ZFAND3: variants seen among roughly 807,000 people sequenced by gnomAD.
The protein encoded by ZFAND3 is AN1-type zinc finger protein 3.
ZFAND3 carries 10 observed loss-of-function variants against 29.6 expected under a neutral mutation model. The ratio of observed to expected loss-of-function variants is 0.34; its 90% CI spans 0.21 to 0.57. ZFAND3 has a LOEUF of 0.57. Among genes scored for constraint, ZFAND3 ranks in the 20% least tolerant of loss-of-function variants. The probability of loss-of-function intolerance (pLI) is 0.86; values close to 1 mark genes in which losing one functional copy is unlikely to be tolerated. For synonymous variants in ZFAND3, 128 were observed against 112.6 expected (o/e 1.14, Z -0.87); for missense variants, 230 against 304.5 (o/e 0.76, Z 1.82).
intron 5 of ZFAND3, among the ~76,000 whole-genome samples, chr6:38,138,177 A>C (rs2127494047): frequency 6.6e-6 from 1 of 152,078 alleles, no homozygotes; most frequent in Non-Finnish European, 1.5e-5. Context: ...AGAAAAATAT[A>C]TTTCTCTGGG....
chr6:38,067,536 G>A (rs1487240035), intron 3 of ZFAND3, among the ~76,000 whole-genome samples: 1 of 152,214 alleles, frequency 6.6e-6, no homozygotes, highest in Admixed American at 6.5e-5. Flanking sequence ...ACAGTGGAAG[G>A]TGTGTTGGAC....
intron 4 of ZFAND3, among the ~76,000 whole-genome samples, chr6:38,111,113 A>T (rs975503386): frequency 9.9e-5 from 15 of 152,194 alleles, no homozygotes; most frequent in Non-Finnish European, 1.5e-5. Context: ...TTCCAGTTAA[A>T]CTGTGTTCTT....
intron 2 of ZFAND3, among the ~76,000 whole-genome samples, chr6:37,943,227 G>A (rs763526896): frequency 6.6e-6 from 1 of 152,156 alleles, no homozygotes; most frequent in South Asian, 2.1e-4. Flanking sequence ...TTGAAGAGAC[G>A]ATCATTGTAA....
chr6:38,144,394 G>A (rs535123511), intron 5 of ZFAND3, among the ~76,000 whole-genome samples: 679 of 151,924 alleles, frequency 4.5e-3, no homozygotes, highest in Non-Finnish European at 7.6e-3. Context: ...GGATGCTTTG[G>A]GAGGTCTTGG....
chr6:37,951,351 G>C (rs1561944464), intron 2 of ZFAND3, among the ~76,000 whole-genome samples: 1 of 152,144 alleles, frequency 6.6e-6, no homozygotes, highest in Non-Finnish European at 1.5e-5. Context: ...CCAACACTTT[G>C]GGAGGCCGAG....
rs756741049 is a variant in ZFAND3, at chr6:38,152,342, C to T, written c.637C>T (p.Arg213Trp). Residue 213 changes from arginine to tryptophan, a missense_variant, in exon 6 of 6, where the codon CGG (arginine) becomes TGG (tryptophan). By Grantham distance (101) the Arg-to-Trp change is moderately radical. Transcript: ENST00000287218. ...EAIMKMVKLD[R>W]KVGRSCQRIG... ...CATCATGAAAATGGTGAAGCTGGAC[C>T]GGAAAGTGGGGCGCTCCTGCCAGCG... The T allele has an allele frequency of 6.2e-7, 1 of 1,609,784 alleles. No homozygotes were observed. Among genetic ancestry groups the T allele is most frequent in the Admixed American group, 1.7e-5 (1 of 59,060 alleles).
In ZFAND3 at chr6:38,152,500, G is replaced by T. The variant is rs568218026; in HGVS notation, c.*111G>T. ...CTGGGCACGCGTCAGACTGCAGCCA[G>T]TCCGTTTCCTTTCTTTAGCCAGCCA... On this transcript the variant is annotated 3_prime_UTR_variant, in exon 6 of 6. Transcript: ENST00000287218. 5.8e-6 allele frequency: 8 copies of T among 1,374,676 alleles called. No individual in the cohort carries two copies. The South Asian group carries it at 1.4e-4, about 24-fold the overall frequency. 85.2% of individuals were successfully genotyped at this position (1,374,676 alleles called of 1,614,324 possible).
intron 2 of ZFAND3, among the ~76,000 whole-genome samples, chr6:37,962,778 C>T (rs140935355): frequency 6.6e-6 from 1 of 152,152 alleles, no homozygotes; most frequent in Non-Finnish European, 1.5e-5. Context: ...CTCGGGTCCC[C>T]TTCCACGCTG....
Position 37,819,902 on chromosome 6 carries a change from G to C in ZFAND3, c.-44G>C, listed in dbSNP as rs997404302. On this transcript the variant is annotated 5_prime_UTR_variant, in exon 1 of 6. Transcript: ENST00000287218. ...CTCAGAGCGGGGCCCGGGCCCAGCC[G>C]CCGCCACCGCTGCCGCCGCCGAGCT... The C allele has an allele frequency of 1.7e-6, 2 of 1,152,150 alleles. No homozygotes were observed. Among genetic ancestry groups the C allele is most frequent in the African/African-American group, 3.2e-5 (2 of 61,916 alleles). The allele number at this position is 1,152,150 out of a possible 1,614,324, so 71.4% of individuals were successfully genotyped here. A position where few individuals can be genotyped will look rare whatever the true frequency, so the allele number is the denominator to read the frequency against.
intron 2 of ZFAND3, among the ~76,000 whole-genome samples, chr6:37,977,799 AGAAT>A (rs1251687149): frequency 1.3e-5 from 1 of 78,240 alleles, no homozygotes; most frequent in East Asian, 2.9e-4. Context: ...TTTCAAATGA[AGAAT>A]GAATGTTGAA....
chr6:37,895,476 T>C (rs1765185164), intron 1 of ZFAND3, among the ~76,000 whole-genome samples: 1 of 147,466 alleles, frequency 6.8e-6, no homozygotes, highest in African/African-American at 2.5e-5. Flanking sequence ...TTTTTTTTTT[T>C]TTTTTTATCT....
intron 3 of ZFAND3, among the ~76,000 whole-genome samples, chr6:38,071,626 A>AT (rs1236505523): frequency 4.6e-5 from 7 of 152,058 alleles, no homozygotes; most frequent in African/African-American, 1.2e-4. Flanking sequence ...GAATATATAG[A>AT]TTTTTTTCAG....
intron 1 of ZFAND3, among the ~76,000 whole-genome samples, chr6:37,895,101 C>T (rs534131061): frequency 6.6e-6 from 1 of 152,030 alleles, no homozygotes; most frequent in Non-Finnish European, 1.5e-5. Context: ...AATTTTTTGC[C>T]TCCCTTCTAC....
At chr6:38,006,890 T>C (rs1410790703) in intron 2 of ZFAND3, among the ~76,000 whole-genome samples, 4 of 152,050 alleles carry the variant, frequency 2.6e-5, no homozygotes, top group Admixed American at 6.5e-5. Context: ...TTGATGGGGA[T>C]AATTAATAAA....
chr6:37,972,442 T>C (rs963393712), intron 2 of ZFAND3, among the ~76,000 whole-genome samples: 1 of 152,228 alleles, frequency 6.6e-6, no homozygotes, highest in Non-Finnish European at 1.5e-5. Context: ...CTAAGTGTGG[T>C]GTTAGAATAA....
intron 2 of ZFAND3, among the ~76,000 whole-genome samples, chr6:37,956,033 A>C (rs1275467554): frequency 6.6e-6 from 1 of 152,072 alleles, no homozygotes; most frequent in Non-Finnish European, 1.5e-5. Context: ...GCAGCTTGAG[A>C]TAATTTGGGA....
intron 2 of ZFAND3, among the ~76,000 whole-genome samples, chr6:37,941,744 A>T (rs1393870999): frequency 6.6e-6 from 1 of 152,122 alleles, no homozygotes; most frequent in African/African-American, 2.4e-5. Context: ...AGACTGTGCA[A>T]CCTGCAGATT....
chr6:37,891,596 T>A (rs1352855536), intron 1 of ZFAND3, among the ~76,000 whole-genome samples: 1 of 147,440 alleles, frequency 6.8e-6, no homozygotes, highest in Admixed American at 6.7e-5. Flanking sequence ...AAATAAATAA[T>A]AAATAAATAA....
intron 2 of ZFAND3, among the ~76,000 whole-genome samples, chr6:38,058,929 C>T (rs914493371): frequency 2.6e-5 from 4 of 152,136 alleles, no homozygotes; most frequent in Non-Finnish European, 4.4e-5. Flanking sequence ...GCTATTCTTA[C>T]GCTGAGAATA....
Sources: gnomAD v4.1 joint callset for allele counts (sites outside exome capture counted in the v4.1 genomes callset) on GRCh38, gnomAD v4.1.1 for gene constraint, MANE v1.5 for transcripts, NCBI Gene and HGNC (gene_info 2026-07-23, HGNC 2026-07-21) for gene names.